Variants in TRPM3 observed in about 807,000 individuals in gnomAD.
The protein encoded by TRPM3 is long transient receptor potential channel 3.
In TRPM3, 77 loss-of-function variants were observed where a neutral mutation model predicts 181.2. That is an observed-to-expected ratio of 0.42 (90% CI 0.35 to 0.51). TRPM3 has a LOEUF of 0.51. TRPM3 is among the 20% of genes least tolerant of loss of function. The pLI is 0.01. For synonymous variants in TRPM3, 745 were observed against 796.4 expected, an observed-to-expected ratio of 0.94 and a Z score of 1.09; for missense variants, 1,759 against 2,196.7, an observed-to-expected ratio of 0.80 and a Z score of 3.98.
chr9:71,332,917 T>C (rs977067416), intron 1 of TRPM3, among the ~76,000 whole-genome samples: 4 of 151,898 alleles, frequency 2.6e-5, no homozygotes, highest in Non-Finnish European at 4.4e-5. Flanking sequence ...CATTGAAATA[T>C]CCATGTCAAT....
In TRPM3 at chr9:70,553,247, G is replaced by A. The variant is rs1483004539; in HGVS notation, c.3287C>T (p.Thr1096Ile). The part of the protein sequence containing the change: ...GKIIQLPPCK[T>I]GAWIVPAIMA... The stretch of plus-strand genomic sequence containing the variant: ...GATGGCCGGCACGATCCAAGCTCCT[G>A]TCTTGCAGGGAGGCAGCTGGATTAT... The change falls in exon 23 of 26, where the codon ACA (threonine) becomes ATA (isoleucine). Residue 1096 changes from threonine to isoleucine, a missense_variant. Thr to Ile is a moderately conservative substitution (Grantham distance 89). This residue lies in a region of TRPM3 where 94 missense variants were observed against 221.3 expected (regional missense o/e 0.42). Transcript: ENST00000677713. The A allele has an allele frequency of 6.2e-7, 1 of 1,614,164 alleles. No individual in the cohort carries two copies. Among genetic ancestry groups the A allele is most frequent in the Non-Finnish European group, 8.5e-7 (1 of 1,180,026 alleles).
At chr9:71,180,662 G>A (rs1266254773) in intron 1 of TRPM3, among the ~76,000 whole-genome samples, 1 of 152,012 alleles carries the variant, frequency 6.6e-6, no homozygotes, top group African/African-American at 2.4e-5. Context: ...GATCCACCTA[G>A]GCCACATTCT....
chr9:71,176,847 G>T (rs2077128180), intron 1 of TRPM3, among the ~76,000 whole-genome samples: 1 of 152,194 alleles, frequency 6.6e-6, no homozygotes, highest in East Asian at 1.9e-4. Context: ...GTTGCCTACA[G>T]TACCCAGTAC....
chr9:70,785,008 C>G (rs143801679), intron 6 of TRPM3, among the ~76,000 whole-genome samples: 1 of 152,262 alleles, frequency 6.6e-6, no homozygotes, highest in Non-Finnish European at 1.5e-5. Flanking sequence ...ATTATAGGCA[C>G]GTCCACCATG....
At chr9:71,301,660 G>A (rs1362516510) in intron 1 of TRPM3, among the ~76,000 whole-genome samples, 2 of 152,062 alleles carry the variant, frequency 1.3e-5, no homozygotes, top group East Asian at 3.9e-4. Flanking sequence ...GATGATAAGG[G>A]GAAAGAATAC....
At chr9:70,630,062 A>G (rs2065523266) in intron 12 of TRPM3, among the ~76,000 whole-genome samples, 2 of 152,180 alleles carry the variant, frequency 1.3e-5, no homozygotes, top group Admixed American at 1.3e-4. Context: ...CAGATGATGC[A>G]TTTGCATTGC....
intron 1 of TRPM3, among the ~76,000 whole-genome samples, chr9:71,091,918 A>T (rs867566123): frequency 1.3e-5 from 2 of 152,278 alleles, no homozygotes; most frequent in African/African-American, 4.8e-5. Context: ...TTAAAATATC[A>T]TAATAGTCTT....
intron 1 of TRPM3, among the ~76,000 whole-genome samples, chr9:71,332,997 T>TA (rs1445822367): frequency 7.9e-5 from 12 of 151,924 alleles, no homozygotes; most frequent in African/African-American, 2.9e-4. Context: ...ACAATATGCT[T>TA]ATATTCAATC....
chr9:71,239,437 C>T lies in TRPM3; in HGVS notation c.183+207216G>A, dbSNP rs527307044. On this transcript the variant is annotated intron_variant, in intron 1 of 24. Coordinates refer to the TRPM3 transcript ENST00000357533. ...TCTACACATCATTCTCTAACTCTAA[C>T]GGGTGAAATTATAACTCTCTCTGCC... Among the ~76,000 whole-genome samples the T allele has an allele frequency of 6.6e-5, 10 of 152,192 alleles. No individual in the cohort carries two copies. In the East Asian group the frequency reaches 7.7e-4, roughly 12 times the overall value.
chr9:71,224,525 T>G (rs2080456190), intron 1 of TRPM3, among the ~76,000 whole-genome samples: 1 of 152,108 alleles, frequency 6.6e-6, no homozygotes, highest in Non-Finnish European at 1.5e-5. Context: ...TAAAACTATC[T>G]AGGAAAATAT....
At chr9:71,295,163 G>A (rs2132290327) in intron 1 of TRPM3, among the ~76,000 whole-genome samples, 1 of 152,130 alleles carries the variant, frequency 6.6e-6, no homozygotes, top group Middle Eastern at 3.4e-3. Flanking sequence ...ATAACTGTAT[G>A]AGCAATATAG....
chr9:71,313,903 G>A (rs2132418870), intron 1 of TRPM3, among the ~76,000 whole-genome samples: 1 of 152,206 alleles, frequency 6.6e-6, no homozygotes, highest in South Asian at 2.1e-4. Flanking sequence ...CCTCGGGCAA[G>A]ACTGTTAACA....
intron 1 of TRPM3, among the ~76,000 whole-genome samples, chr9:71,384,030 T>C (rs900658641): frequency 5.3e-5 from 8 of 152,246 alleles, no homozygotes; most frequent in African/African-American, 1.7e-4. Context: ...GCTTTGACTA[T>C]TCTTCCATTC....
chr9:71,148,422 G>A (rs1766709383), intron 1 of TRPM3, among the ~76,000 whole-genome samples: 1 of 152,120 alleles, frequency 6.6e-6, no homozygotes, highest in Non-Finnish European at 1.5e-5. Flanking sequence ...TACTTGCAAT[G>A]TCTAAGGTGT....
intron 1 of TRPM3, among the ~76,000 whole-genome samples, chr9:70,909,269 A>C (rs930012963): frequency 6.6e-6 from 1 of 152,228 alleles, no homozygotes; most frequent in Non-Finnish European, 1.5e-5. Flanking sequence ...AGCTGGTTCT[A>C]TCTAGCTCTT....
rs2085296126 is a variant in TRPM3 at position 71,286,623 on chromosome 9, T to C, written c.183+160030A>G. Among the ~76,000 whole-genome samples, 3 of 152,066 alleles carry C rather than the reference T, an allele frequency of 2.0e-5. No homozygotes were observed. The South Asian group carries it at 6.2e-4, about 31-fold the overall frequency. ...AGGTTAGCAATGGAAAACCCATATTTAGGGAGAACAGGCAAAAGGAAATAG... is the reference window on the plus strand; with the variant it reads ...AGGTTAGCAATGGAAAACCCATATTCAGGGAGAACAGGCAAAAGGAAATAG... On this transcript the variant is annotated intron_variant, in intron 1 of 24. Coordinates refer to the TRPM3 transcript ENST00000357533.
At chr9:70,793,302 T>G (rs1426413100) in intron 6 of TRPM3, among the ~76,000 whole-genome samples, 1 of 151,684 alleles carries the variant, frequency 6.6e-6, no homozygotes, top group African/African-American at 2.4e-5. Context: ...AAAATATTTT[T>G]AAAAATTAGT....
At chr9:70,879,686 A>G (rs1433090165) in intron 1 of TRPM3, among the ~76,000 whole-genome samples, 1 of 152,138 alleles carries the variant, frequency 6.6e-6, no homozygotes, top group East Asian at 1.9e-4. Flanking sequence ...GTTATCAAAA[A>G]ATAGAGTAGT....
intron 21 of TRPM3, among the ~76,000 whole-genome samples, chr9:70,597,121 T>A (rs185471621): frequency 6.6e-6 from 1 of 151,884 alleles, no homozygotes; most frequent in Non-Finnish European, 1.5e-5. Context: ...TTAGTAGAGA[T>A]AGGGTTTCTC....
Sources: allele counts gnomAD v4.1 joint callset (sites outside exome capture counted in the v4.1 genomes callset), GRCh38; gene constraint gnomAD v4.1.1; regional missense constraint gnomAD v4.1.1; transcripts MANE v1.5; gene names NCBI Gene and HGNC (gene_info 2026-07-23, HGNC 2026-07-21).